The following PPP2R1A variants were observed in gnomAD, a reference collection of about 807,000 sequenced individuals.
PPP2R1A encodes the protein protein phosphatase 2 scaffold subunit Aalpha, also known as serine/threonine-protein phosphatase 2A 65 kDa regulatory subunit A alpha isoform.
A neutral mutation model predicts 67.1 loss-of-function variants in PPP2R1A; 15 were observed. That is an observed-to-expected ratio of 0.22 (90% CI 0.15 to 0.34). The LOEUF (loss-of-function observed/expected upper bound fraction) is 0.34. Ranked by LOEUF, PPP2R1A falls within the 10% of genes least tolerant of loss-of-function variation. The pLI, the probability that PPP2R1A is intolerant of heterozygous loss-of-function variation, is 1.00. For synonymous variants in PPP2R1A, 337 were observed against 325.0 expected, an observed-to-expected ratio of 1.04 and a Z score of -0.40; for missense variants, 369 against 775.0, an observed-to-expected ratio of 0.48 and a Z score of 6.22.
At chr19:52,197,761 A>C (rs953846713) in intron 1 of PPP2R1A, among the ~76,000 whole-genome samples, 1 of 152,194 alleles carries the variant, frequency 6.6e-6, no homozygotes, top group Non-Finnish European at 1.5e-5. Flanking sequence ...CTGGGATTCA[A>C]ATCCTGGCTT....
chr19:52,217,375 A>T (rs1978640057), intron 9 of PPP2R1A, among the ~76,000 whole-genome samples: 1 of 152,168 alleles, frequency 6.6e-6, no homozygotes, highest in Non-Finnish European at 1.5e-5. Flanking sequence ...ATTTTAAAAA[A>T]CATTTTCCAT....
At position 52,225,963 on chromosome 19, in the gene PPP2R1A, A is replaced by G; in HGVS notation, c.1754-2A>G. ...GATTCTTGCCTGTTCCTGTTTTCCTAGTTCTGTCTCTCGCCTGATGCTGGA... is the reference window on the plus strand; with the variant it reads ...GATTCTTGCCTGTTCCTGTTTTCCTGGTTCTGTCTCTCGCCTGATGCTGGA... On this transcript the variant is annotated splice_acceptor_variant, in intron 14 of 14. Coordinates refer to ENST00000322088, the MANE Select transcript of PPP2R1A (RefSeq NM_014225.6). LOFTEE classifies it high-confidence loss of function. 6.2e-7 allele frequency: 1 copy of G among 1,614,070 alleles called. No homozygotes were observed. Among genetic ancestry groups the G allele is most frequent in the Non-Finnish European group, 8.5e-7 (1 of 1,180,006 alleles).
intron 3 of PPP2R1A, among the ~76,000 whole-genome samples, chr19:52,208,786 A>G (rs1159817634): frequency 6.6e-6 from 1 of 152,236 alleles, no homozygotes; most frequent in Non-Finnish European, 1.5e-5. Context: ...GGCGTGAGCC[A>G]CCGCATCCGG....
In PPP2R1A at chr19:52,221,708, G is replaced by A. The variant is rs112592853; in HGVS notation, c.1519-391G>A. On this transcript the variant is annotated intron_variant, in intron 12 of 14. Coordinates refer to ENST00000322088, the MANE Select transcript of PPP2R1A (RefSeq NM_014225.6). Reference sequence around the variant, plus strand: ...GCTCCTGTCTATTTGCTTTTCCTACGATTATAATTATCTCATGTACTACTT... The same window carrying A: ...GCTCCTGTCTATTTGCTTTTCCTACAATTATAATTATCTCATGTACTACTT... Among the ~76,000 whole-genome samples, 1,494 of 152,134 alleles carry A rather than the reference G, an allele frequency of 9.8e-3. 26 individuals carry two copies. The highest frequency in any genetic ancestry group is 0.034 in the African/African-American group (1,423 of 41,458).
At chr19:52,197,497 AG>A (rs2089507148) in intron 1 of PPP2R1A, among the ~76,000 whole-genome samples, 1 of 152,106 alleles carries the variant, frequency 6.6e-6, no homozygotes, top group African/African-American at 2.4e-5. Flanking sequence ...CAACATAGTG[AG>A]GCCTCATCCC....
chr19:52,195,050 AG>A (rs1164054315), intron 1 of PPP2R1A, among the ~76,000 whole-genome samples: 1 of 152,184 alleles, frequency 6.6e-6, no homozygotes, highest in East Asian at 1.9e-4. Flanking sequence ...GGCCAGAGTA[AG>A]GCCTTAGCTT....
In PPP2R1A at chr19:52,201,781, G is replaced by A. The variant is rs1020442048; in HGVS notation, c.79-163G>A. ...ATTGTTGTTATTTAATGATTCCCTC[G>A]AGGTCACAGGGTCTCTTGGTGGGTG... is the stretch of plus-strand genomic sequence containing the variant. On this transcript the variant is annotated intron_variant, in intron 1 of 14. Coordinates refer to ENST00000322088, the MANE Select transcript of PPP2R1A (RefSeq NM_014225.6). The A allele has an allele frequency of 1.8e-5, 11 of 597,562 alleles. No individual in the cohort carries two copies. In the African/African-American group the frequency reaches 1.9e-4, roughly 10 times the overall value. The allele number at this position is 597,562 out of a possible 1,614,324, so 37.0% of individuals were successfully genotyped here.
intron 9 of PPP2R1A, among the ~76,000 whole-genome samples, chr19:52,217,171 C>T (rs1216639076): frequency 2.0e-5 from 3 of 152,128 alleles, no homozygotes; most frequent in Non-Finnish European, 4.4e-5. Context: ...GCCTGGACAA[C>T]AGAGCAAGAC....
At chr19:52,217,203 T>C (rs1164079673) in intron 9 of PPP2R1A, among the ~76,000 whole-genome samples, 1 of 150,076 alleles carries the variant, frequency 6.7e-6, no homozygotes, top group Admixed American at 6.6e-5. Flanking sequence ...AAAAAAATTA[T>C]TTATTTATGT....
In PPP2R1A at chr19:52,211,045, G is replaced by A. The variant is rs529929772; in HGVS notation, c.271-215G>A. On this transcript the variant is annotated intron_variant, in intron 3 of 14. Transcript: ENST00000322088. The surrounding 1 kb of genome is among the most constrained non-coding windows in gnomAD (Gnocchi z 5.3). ...AAATAAGAACCTTTGTGGAAGGCAC[G>A]CTGACAGAGACCTTCTGCTGGCTGG... Among the ~76,000 whole-genome samples the A allele has an allele frequency of 9.1e-4, 139 of 152,328 alleles. No homozygotes were observed. Among genetic ancestry groups the A allele is most frequent in the Non-Finnish European group, 1.7e-3 (113 of 68,024 alleles).
chr19:52,215,217 G>A (rs1978493523), intron 6 of PPP2R1A, among the ~76,000 whole-genome samples: 1 of 150,074 alleles, frequency 6.7e-6, no homozygotes, highest in Non-Finnish European at 1.5e-5. Flanking sequence ...CCCCACACCC[G>A]GCTAATTGTT....
rs145984197 is a variant in PPP2R1A at position 52,214,671 on chromosome 19, G to T, written c.808-1108G>T. Among the ~76,000 whole-genome samples, 29 of 151,940 alleles carry T rather than the reference G, an allele frequency of 1.9e-4. 1 individual carries two copies. The East Asian group carries it at 5.6e-3, about 29-fold the overall frequency. Reference sequence around the variant, plus strand: ...TCTTCAGGAACCAGCTTTGCAGCAGGAGCCGTGCGTCTTTCCATGCCTGGT... The same window carrying T: ...TCTTCAGGAACCAGCTTTGCAGCAGTAGCCGTGCGTCTTTCCATGCCTGGT... On this transcript the variant is annotated intron_variant, in intron 6 of 14. Transcript: ENST00000322088.
intron 1 of PPP2R1A, among the ~76,000 whole-genome samples, chr19:52,191,987 T>G (rs1352030412): frequency 1.3e-5 from 2 of 152,072 alleles, no homozygotes; most frequent in African/African-American, 4.8e-5. Context: ...GGGAGTTTAT[T>G]TTGTAGTGAG....
Position 52,190,058 on chromosome 19 carries a change from G to A in PPP2R1A, c.-39G>A, listed in dbSNP as rs1318816775. The A allele has an allele frequency of 6.5e-7, 1 of 1,526,854 alleles. No homozygotes were observed. The highest frequency in any genetic ancestry group is 8.9e-7 in the Non-Finnish European group (1 of 1,129,942). The allele number at this position is 1,526,854 out of a possible 1,614,324, so 94.6% of individuals were successfully genotyped here. On this transcript the variant is annotated 5_prime_UTR_variant, in exon 1 of 15. Coordinates refer to ENST00000322088, the MANE Select transcript of PPP2R1A (RefSeq NM_014225.6). ...ATTGCCCCCCCCACGTTTCAGCACA[G>A]CGCTGGCCGCAGTCTGACAGGAAAG...
At chr19:52,204,926 A>G (rs1008439684) in intron 2 of PPP2R1A, among the ~76,000 whole-genome samples, 12 of 152,208 alleles carry the variant, frequency 7.9e-5, no homozygotes, top group Non-Finnish European at 1.3e-4. Context: ...AGATGAAGTG[A>G]GCTGCTGTAT....
chr19:52,228,576 C>A lies in PPP2R1A; in HGVS notation c.*2595C>A. 6.6e-6 allele frequency: 1 copy of A among 152,370 alleles called. No individual in the cohort carries two copies. The allele number at this position is 152,370 out of a possible 1,614,324, so 9.4% of individuals were successfully genotyped here. A position where few individuals can be genotyped will look rare whatever the true frequency, so the allele number is the denominator to read the frequency against. On this transcript the variant is annotated 3_prime_UTR_variant, in exon 15 of 15. Transcript: ENST00000322088. ...GGCTTTGTTTGCTCCATACACCTGG[C>A]CTTCTCTGTAGCAGCTGAAGTTTGA...
At chr19:52,196,979 G>A (rs1315905960) in intron 1 of PPP2R1A, among the ~76,000 whole-genome samples, 1 of 152,142 alleles carries the variant, frequency 6.6e-6, no homozygotes, top group Admixed American at 6.5e-5. Flanking sequence ...AGATGCAAAG[G>A]CAATTCAGAA....
At chr19:52,206,888 T>G (rs1326639458) in intron 3 of PPP2R1A, among the ~76,000 whole-genome samples, 1 of 151,818 alleles carries the variant, frequency 6.6e-6, no homozygotes, top group East Asian at 1.9e-4. Context: ...AGTGATTGTG[T>G]ATTTCACTGT....
intron 1 of PPP2R1A, among the ~76,000 whole-genome samples, chr19:52,195,708 A>G (rs1018987944): frequency 7.9e-5 from 12 of 152,198 alleles, no homozygotes; most frequent in South Asian, 2.1e-4. Flanking sequence ...ATTATAAAGG[A>G]TAGTATAAAG....
Sources: gnomAD v4.1 joint callset for allele counts (sites outside exome capture counted in the v4.1 genomes callset) on GRCh38, gnomAD v4.1.1 for gene constraint, Gnocchi (gnomAD v3.1) non-coding constraint, MANE v1.5 for transcripts, NCBI Gene and HGNC (gene_info 2026-07-23, HGNC 2026-07-21) for gene names.